Variants in TENM3 observed in about 807,000 individuals in gnomAD.
TENM3 encodes teneurin-3.
A neutral mutation model predicts 255.1 loss-of-function variants in TENM3; 63 were observed. The ratio of observed to expected loss-of-function variants is 0.25; its 90% CI spans 0.20 to 0.30. The LOEUF (loss-of-function observed/expected upper bound fraction) is 0.30, where lower values mean the gene tolerates loss of function less well. TENM3 is among the 10% of genes least tolerant of loss of function. The pLI, the probability that TENM3 is intolerant of heterozygous loss-of-function variation, is 1.00. For missense variants in TENM3, 2,929 were observed against 3,461.1 expected (o/e 0.85, Z 3.86); for synonymous variants, 1,306 against 1,322.3 (o/e 0.99, Z 0.27).
chr4:182,750,016 G>A (rs1346130505), intron 19 of TENM3, among the ~76,000 whole-genome samples: 2 of 151,970 alleles, frequency 1.3e-5, no homozygotes, highest in Non-Finnish European at 2.9e-5. Flanking sequence ...TGCTCTGAAT[G>A]TTATATTGAT....
chr4:182,691,313 C>A (rs867949596), intron 12 of TENM3, among the ~76,000 whole-genome samples: 3 of 152,178 alleles, frequency 2.0e-5, no homozygotes, highest in Admixed American at 6.5e-5. Context: ...AGATTTTTTT[C>A]TTTCTCCATA....
chr4:181,530,417 C>G, the TENM3 span, among the ~76,000 whole-genome samples: 2 of 152,134 alleles, frequency 1.3e-5, no homozygotes, highest in African/African-American at 2.4e-5. Flanking sequence ...GTTGAGTTCT[C>G]ACTGATATGT....
At chr4:182,545,067 AG>A (rs1268671591) in intron 3 of TENM3, among the ~76,000 whole-genome samples, 1 of 152,222 alleles carries the variant, frequency 6.6e-6, no homozygotes, top group East Asian at 1.9e-4. Context: ...GAGATTAAAA[AG>A]TAAAGGAAAA....
At chr4:182,173,235 C>A (rs1752223582) in intron 1 of TENM3, among the ~76,000 whole-genome samples, 1 of 152,180 alleles carries the variant, frequency 6.6e-6, no homozygotes. Flanking sequence ...AGCACTTGGA[C>A]ACCTACAGCT....
At chr4:181,485,241 T>G in the TENM3 span, among the ~76,000 whole-genome samples, 1 of 152,228 alleles carries the variant, frequency 6.6e-6, no homozygotes, top group African/African-American at 2.4e-5. Context: ...TTTTCCTAAT[T>G]TAAGAATTCA....
At chr4:181,540,556 A>C in the TENM3 span, among the ~76,000 whole-genome samples, 96 of 152,292 alleles carry the variant, frequency 6.3e-4, no homozygotes, top group African/African-American at 2.1e-3. Flanking sequence ...GCTGACACCA[A>C]CAACATGTCA....
upstream of TENM3, chr4:182,143,526 G>A (rs912014468): frequency 1.2e-5 from 2 of 166,956 alleles, no homozygotes; most frequent in East Asian, 3.9e-4. This position sits in a 1 kb window ranked among gnomAD's most constrained non-coding sequence, Gnocchi z 4.3. Context: ...GGGTGACTCA[G>A]CTGACCTGAA....
At chr4:181,975,265 G>T in the TENM3 span, 2 of 151,446 alleles carry the variant, frequency 1.3e-5, no homozygotes, top group African/African-American at 4.9e-5. Flanking sequence ...AGCCTCCCGA[G>T]TAGCTGCGAT....
chr4:181,779,031 C>T, the TENM3 span, among the ~76,000 whole-genome samples: 1 of 152,070 alleles, frequency 6.6e-6, no homozygotes, highest in Non-Finnish European at 1.5e-5. Flanking sequence ...TGAAGTGAGG[C>T]ATATCCAGCT....
intron 1 of TENM3, among the ~76,000 whole-genome samples, chr4:182,178,879 C>G (rs1239366415): frequency 6.6e-6 from 1 of 152,180 alleles, no homozygotes; most frequent in Non-Finnish European, 1.5e-5. Context: ...CTGTATACAT[C>G]TGTAAATTTT....
chr4:182,202,319 T>TC (rs933847016), intron 1 of TENM3, among the ~76,000 whole-genome samples: 10 of 149,812 alleles, frequency 6.7e-5, no homozygotes, highest in Non-Finnish European at 7.4e-5. Flanking sequence ...TTTTTTTTTT[T>TC]TTTGAGATGG....
chr4:182,166,578 A>G (rs1751739066), intron 1 of TENM3, among the ~76,000 whole-genome samples: 1 of 152,152 alleles, frequency 6.6e-6, no homozygotes, highest in South Asian at 2.1e-4. Context: ...GTATGCAGGT[A>G]ATATTTTGAG....
At chr4:182,632,505 A>G (rs1051427049) in intron 5 of TENM3, among the ~76,000 whole-genome samples, 1 of 152,182 alleles carries the variant, frequency 6.6e-6, no homozygotes, top group Non-Finnish European at 1.5e-5. Context: ...ATTTATTACT[A>G]GTAGCGCTGA....
intron 3 of TENM3, among the ~76,000 whole-genome samples, chr4:182,466,772 A>G (rs546031551): frequency 6.6e-6 from 1 of 152,088 alleles, no homozygotes; most frequent in Non-Finnish European, 1.5e-5. Flanking sequence ...GTGGCCATGA[A>G]TTTTGAGGGC....
chr4:182,421,704 T>A (rs1252837826), intron 3 of TENM3, among the ~76,000 whole-genome samples: 2 of 152,148 alleles, frequency 1.3e-5, no homozygotes, highest in Non-Finnish European at 2.9e-5. Context: ...TGTATTAAGG[T>A]TCTTTTAAAA....
the TENM3 span, among the ~76,000 whole-genome samples, chr4:182,094,357 C>G: frequency 2.6e-5 from 4 of 151,990 alleles, no homozygotes; most frequent in Admixed American, 2.6e-4. Flanking sequence ...GCAATTCTCC[C>G]ACCTCAGCCT....
At chr4:181,700,626 C>G in the TENM3 span, among the ~76,000 whole-genome samples, 5 of 152,138 alleles carry the variant, frequency 3.3e-5, no homozygotes, top group Non-Finnish European at 7.4e-5. Context: ...TTTCCCTTCC[C>G]TTCATTTTTT....
intron 4 of TENM3, among the ~76,000 whole-genome samples, chr4:182,616,523 A>T (rs190938943): frequency 0.059 from 691 of 11,700 alleles, 7 homozygotes; most frequent in Middle Eastern, 0.23. Flanking sequence ...AAAGTATAAT[A>T]AAAAAAAAAA....
chr4:182,338,496 G>A (rs1299565678), intron 2 of TENM3, among the ~76,000 whole-genome samples: 1 of 152,082 alleles, frequency 6.6e-6, no homozygotes, highest in African/African-American at 2.4e-5. Flanking sequence ...GGAGGGGGAG[G>A]CAGTTTTATT....
Sources: gnomAD v4.1 joint callset for allele counts (sites outside exome capture counted in the v4.1 genomes callset) on GRCh38, gnomAD v4.1.1 for gene constraint, Gnocchi (gnomAD v3.1) non-coding constraint, MANE v1.5 for transcripts, NCBI Gene and HGNC (gene_info 2026-07-23, HGNC 2026-07-21) for gene names.